The following SHLD1 variants were observed in gnomAD, a reference collection of about 807,000 sequenced individuals.
The protein encoded by SHLD1 is shieldin complex subunit 1.
A neutral mutation model predicts 5.5 loss-of-function variants in SHLD1; 3 were observed. That is an observed-to-expected ratio of 0.54 (90% confidence interval 0.25 to 1.40). SHLD1 has a LOEUF of 1.40. Among genes scored for constraint, SHLD1 ranks in the 40% most tolerant of loss-of-function variants. The pLI, the probability that SHLD1 is intolerant of heterozygous loss-of-function variation, is 0.15. For missense variants in SHLD1, 210 were observed against 244.4 expected, an observed-to-expected ratio of 0.86 and a Z score of 0.94; for synonymous variants, 92 against 94.3, an observed-to-expected ratio of 0.98 and a Z score of 0.14.
At chr20:5,786,590 AAAAAG>A (rs142999817) in intron 2 of SHLD1, among the ~76,000 whole-genome samples, 47,890 of 151,000 alleles carry the variant, frequency 0.32, 7,647 homozygotes, top group African/African-American at 0.38. Flanking sequence ...AATTAAAAAA[AAAAAG>A]AAAAGAAAAA....
At chr20:5,798,389 G>A (rs1244002514) in intron 2 of SHLD1, among the ~76,000 whole-genome samples, 1 of 150,880 alleles carries the variant, frequency 6.6e-6, no homozygotes, top group East Asian at 2.0e-4. Flanking sequence ...TGCCAGCTCC[G>A]CCTCCCGGGT....
At chr20:5,811,832 G>T (rs1032899087) in intron 2 of SHLD1, among the ~76,000 whole-genome samples, 9 of 151,440 alleles carry the variant, frequency 5.9e-5, no homozygotes, top group African/African-American at 1.9e-4. Context: ...CTCCAGCCTG[G>T]GCAACAATGT....
chr20:5,775,923 A>ATTTTTTGTTTTTTTTTTTTTTTTT (rs1985402978), intron 2 of SHLD1, among the ~76,000 whole-genome samples: 1 of 77,678 alleles, frequency 1.3e-5, no homozygotes, highest in African/African-American at 6.0e-5. Context: ...TCAGCTCAGG[A>ATTTTTTGTTTTTTTTTTTTTTTTT]TTTTTTTTTT....
At position 5,781,414 on chromosome 20, in the gene SHLD1, T is replaced by C. The variant is rs1384940373; in HGVS notation, c.178+8371T>C. On this transcript the variant is annotated intron_variant, in intron 2 of 2. Coordinates refer to ENST00000303142, the MANE Select transcript of SHLD1 (RefSeq NM_152504.4). ...CCCTCTTTCTAAAGAAAGAAAAATA[T>C]AGAGTGTTCCTGGAACACCTTTTCC... Among the ~76,000 whole-genome samples the C allele has an allele frequency of 5.3e-5, 8 of 152,260 alleles. 1 individual carries two copies. The South Asian group carries it at 1.7e-3, about 32-fold the overall frequency.
intron 2 of SHLD1, among the ~76,000 whole-genome samples, chr20:5,813,199 G>C (rs1207494763): frequency 1.3e-5 from 2 of 151,594 alleles, no homozygotes; most frequent in Non-Finnish European, 2.9e-5. Flanking sequence ...TTAAATTCTA[G>C]TTCTTTGGCT....
At chr20:5,799,010 A>G (rs1333453199) in intron 2 of SHLD1, among the ~76,000 whole-genome samples, 1 of 152,120 alleles carries the variant, frequency 6.6e-6, no homozygotes, top group Admixed American at 6.6e-5. Context: ...CTACATGGCA[A>G]CATGGCAAAA....
chr20:5,805,661 C>T (rs557477633), intron 2 of SHLD1, among the ~76,000 whole-genome samples: 5 of 152,240 alleles, frequency 3.3e-5, no homozygotes, highest in East Asian at 3.9e-4. Context: ...AGTGCAGTGG[C>T]GCAATCTCGG....
chr20:5,795,691 T>C (rs1195666314), intron 2 of SHLD1, among the ~76,000 whole-genome samples: 2 of 147,672 alleles, frequency 1.4e-5, no homozygotes, highest in African/African-American at 5.1e-5. Context: ...ACAAAAAATA[T>C]CATCTATTGG....
chr20:5,802,718 C>T (rs770413916), intron 2 of SHLD1, among the ~76,000 whole-genome samples: 30 of 152,052 alleles, frequency 2.0e-4, no homozygotes, highest in Middle Eastern at 3.2e-3. Flanking sequence ...GTGATCATGG[C>T]TCACTGCAGC....
chr20:5,807,171 CA>C (rs1234820625), intron 2 of SHLD1, among the ~76,000 whole-genome samples: 1 of 152,090 alleles, frequency 6.6e-6, no homozygotes, highest in African/African-American at 2.4e-5. Flanking sequence ...AAAATTGGCA[CA>C]ATTATATCAT....
intron 2 of SHLD1, among the ~76,000 whole-genome samples, chr20:5,844,392 C>T (rs904718412): frequency 2.6e-5 from 4 of 152,186 alleles, no homozygotes; most frequent in African/African-American, 7.2e-5. Flanking sequence ...CCATCAGGCT[C>T]TCTGGAGGTT....
At chr20:5,846,306 T>C (rs2087932034) in intron 2 of SHLD1, among the ~76,000 whole-genome samples, 1 of 152,254 alleles carries the variant, frequency 6.6e-6, no homozygotes, top group African/African-American at 2.4e-5. Flanking sequence ...CTGCTGAATA[T>C]GTATGTATCA....
At chr20:5,811,368 A>T (rs1340118566) in intron 2 of SHLD1, among the ~76,000 whole-genome samples, 1 of 152,164 alleles carries the variant, frequency 6.6e-6, no homozygotes, top group Non-Finnish European at 1.5e-5. Context: ...CAGATTAGAA[A>T]ACATATGCCC....
intron 1 of SHLD1, among the ~76,000 whole-genome samples, chr20:5,760,294 G>A (rs1343709183): frequency 6.6e-6 from 1 of 152,102 alleles, no homozygotes; most frequent in African/African-American, 2.4e-5. Flanking sequence ...CAGTTGCAAG[G>A]AGAGGTGAAG....
At chr20:5,824,146 T>C (rs2087639570) in intron 2 of SHLD1, among the ~76,000 whole-genome samples, 1 of 152,204 alleles carries the variant, frequency 6.6e-6, no homozygotes, top group Admixed American at 6.5e-5. Flanking sequence ...CTCCCACCTC[T>C]TCCCAGCCGC....
At chr20:5,817,442 G>C (rs931493807) in intron 2 of SHLD1, among the ~76,000 whole-genome samples, 2,051 of 111,410 alleles carry the variant, frequency 0.018, 11 homozygotes, top group Middle Eastern at 0.05. Context: ...CTGTGTGTGT[G>C]TGTGTGTGTG....
At chr20:5,762,808 A>G (rs1234513339) in intron 1 of SHLD1, among the ~76,000 whole-genome samples, 1 of 151,810 alleles carries the variant, frequency 6.6e-6, no homozygotes, top group Non-Finnish European at 1.5e-5. Flanking sequence ...CTCAGTCTTT[A>G]CTAAAATACA....
chr20:5,805,127 C>A (rs561686567), intron 2 of SHLD1, among the ~76,000 whole-genome samples: 1 of 151,740 alleles, frequency 6.6e-6, no homozygotes, highest in African/African-American at 2.4e-5. Flanking sequence ...GTTTTCCCCT[C>A]CTTAATCTTC....
At chr20:5,860,962 A>C (rs2088155104) in intron 2 of SHLD1, among the ~76,000 whole-genome samples, 1 of 151,072 alleles carries the variant, frequency 6.6e-6, no homozygotes, top group Non-Finnish European at 1.5e-5. Flanking sequence ...TGTAGTGGAA[A>C]TACCATCCCT....
Sources: allele counts gnomAD v4.1 joint callset (sites outside exome capture counted in the v4.1 genomes callset), GRCh38; gene constraint gnomAD v4.1.1; transcripts MANE v1.5; gene names NCBI Gene and HGNC (gene_info 2026-07-23, HGNC 2026-07-21).